Variants in ALK observed in about 807,000 individuals in gnomAD.
ALK encodes ALK tyrosine kinase receptor.
Under a neutral mutation model 163.1 loss-of-function variants are expected in ALK, and 74 were observed. The ratio of observed to expected loss-of-function variants is 0.45; its 90% confidence interval spans 0.38 to 0.55. The LOEUF (loss-of-function observed/expected upper bound fraction) is 0.55, where lower values mean the gene tolerates loss of function less well. Ranked by LOEUF, ALK falls within the 20% of genes least tolerant of loss-of-function variation. ALK has a pLI of 0.00. For synonymous variants in ALK, 960 were observed against 843.2 expected (o/e 1.14, Z -2.40); for missense variants, 2,063 against 2,105.3 (o/e 0.98, Z 0.39).
intron 5 of ALK, among the ~76,000 whole-genome samples, chr2:29,354,135 T>C (rs1245165740): frequency 6.6e-6 from 1 of 152,190 alleles, no homozygotes; most frequent in East Asian, 1.9e-4. Context: ...TTCATTTCTT[T>C]GTCTTTAAGG....
At chr2:29,505,288 G>A (rs892674019) in intron 4 of ALK, among the ~76,000 whole-genome samples, 5 of 152,148 alleles carry the variant, frequency 3.3e-5, no homozygotes, top group Non-Finnish European at 7.3e-5. Context: ...GAGGGGAAGG[G>A]GGTCCAGGGA....
rs192982612 is a variant in ALK, at chr2:29,913,181, C to T, written c.667+6812G>A. ...AACCAAGGGATTGGGTGTATCTTCC[C>T]CAAGGGAGATCTTCTCTGCCCACTT... On this transcript the variant is annotated intron_variant, in intron 1 of 28. Coordinates refer to ENST00000389048, the MANE Select transcript of ALK (RefSeq NM_004304.5). Among the ~76,000 whole-genome samples, 309 of 152,184 alleles carry T rather than the reference C, an allele frequency of 2.0e-3. 2 individuals carry two copies. The highest frequency in any genetic ancestry group is 7.1e-3 in the African/African-American group (296 of 41,520).
intron 4 of ALK, among the ~76,000 whole-genome samples, chr2:29,395,470 G>T (rs1669280405): frequency 6.6e-6 from 1 of 152,306 alleles, no homozygotes; most frequent in African/African-American, 2.4e-5. Context: ...GGGTGGTCAT[G>T]GTTGGAACTC....
intron 1 of ALK, among the ~76,000 whole-genome samples, chr2:29,779,460 T>C (rs7606108): frequency 0.18 from 27,737 of 152,120 alleles, 2,785 homozygotes; most frequent in East Asian, 0.39. Flanking sequence ...TTTAGAAAAG[T>C]AGCTTCATTT....
At chr2:29,910,642 T>C (rs1572493500) in intron 1 of ALK, among the ~76,000 whole-genome samples, 1 of 152,320 alleles carries the variant, frequency 6.6e-6, no homozygotes, top group East Asian at 1.9e-4. Context: ...AGAGCATCTC[T>C]GACTCAGGAA....
In ALK at chr2:29,422,847, A is replaced by T. The variant is rs1363028964; in HGVS notation, c.1155-38988T>A. ...TTTCATCTTAAAAGCTTTTTCAGGA[A>T]CTGCTTGAGGAACAGTGCCTGAGTC... On this transcript the variant is annotated intron_variant, in intron 4 of 28. Coordinates refer to ENST00000389048, the MANE Select transcript of ALK (RefSeq NM_004304.5). Among the ~76,000 whole-genome samples the T allele has an allele frequency of 4.0e-5, 6 of 151,802 alleles. 1 individual carries two copies. The highest frequency in any genetic ancestry group is 3.3e-4 in the Admixed American group (5 of 15,252).
At chr2:29,592,447 G>A (rs1000440156) in intron 3 of ALK, among the ~76,000 whole-genome samples, 1 of 152,088 alleles carries the variant, frequency 6.6e-6, no homozygotes, top group Non-Finnish European at 1.5e-5. Context: ...TATCCCTCTC[G>A]CCTGAGCTCT....
At chr2:29,201,733 G>A (rs1669183977) in intron 26 of ALK, among the ~76,000 whole-genome samples, 1 of 151,170 alleles carries the variant, frequency 6.6e-6, no homozygotes. Context: ...GTTGCAGTGA[G>A]CTGAGATGGC....
chr2:29,324,074 G>A (rs1667168511), intron 6 of ALK, among the ~76,000 whole-genome samples: 1 of 152,204 alleles, frequency 6.6e-6, no homozygotes, highest in Non-Finnish European at 1.5e-5. Flanking sequence ...TAAATCTGGA[G>A]AAGCACTGTT....
chr2:29,912,363 C>G (rs552776342), intron 1 of ALK, among the ~76,000 whole-genome samples: 2 of 151,944 alleles, frequency 1.3e-5, no homozygotes, highest in Non-Finnish European at 2.9e-5. Context: ...CAAAAAGGAA[C>G]AACAATGTAA....
At chr2:29,758,495 C>T (rs940566105) in intron 1 of ALK, among the ~76,000 whole-genome samples, 1 of 152,160 alleles carries the variant, frequency 6.6e-6, no homozygotes, top group African/African-American at 2.4e-5. Context: ...TCCAGGGTTT[C>T]ACTGCCCATG....
intron 3 of ALK, among the ~76,000 whole-genome samples, chr2:29,595,588 G>A (rs1186843782): frequency 6.6e-6 from 1 of 152,172 alleles, no homozygotes; most frequent in Non-Finnish European, 1.5e-5. Flanking sequence ...CCAAAGTGCT[G>A]AAATTACAGG....
intron 4 of ALK, among the ~76,000 whole-genome samples, chr2:29,398,123 G>T (rs540478295): frequency 8.5e-5 from 13 of 152,312 alleles, no homozygotes; most frequent in African/African-American, 3.1e-4. Context: ...AGGGGCACAT[G>T]CAGGAGCCAG....
chr2:29,884,518 T>C (rs1666942239), intron 1 of ALK, among the ~76,000 whole-genome samples: 1 of 152,192 alleles, frequency 6.6e-6, no homozygotes, highest in Non-Finnish European at 1.5e-5. Flanking sequence ...ATAAAAACCT[T>C]GCACTTTGGG....
chr2:29,895,267 T>G (rs111950028), intron 1 of ALK, among the ~76,000 whole-genome samples: 1,634 of 152,302 alleles, frequency 0.011, 30 homozygotes, highest in African/African-American at 0.036. Context: ...CACTCTGCAC[T>G]GTGGAGGGGT....
chr2:29,253,313 G>A (rs1664870817), intron 11 of ALK, among the ~76,000 whole-genome samples: 1 of 152,164 alleles, frequency 6.6e-6, no homozygotes, highest in Admixed American at 6.5e-5. Flanking sequence ...GGGTGATGTG[G>A]AAAGAACACA....
intron 1 of ALK, among the ~76,000 whole-genome samples, chr2:29,863,151 T>C (rs1025968586): frequency 2.0e-5 from 3 of 152,192 alleles, no homozygotes; most frequent in Non-Finnish European, 4.4e-5. Flanking sequence ...GACCTGAAAC[T>C]GTAAAACCAC....
chr2:29,196,090 C>T (rs1328765496), intron 28 of ALK, among the ~76,000 whole-genome samples: 1 of 151,930 alleles, frequency 6.6e-6, no homozygotes, highest in Admixed American at 6.5e-5. Context: ...AATTTCGAGT[C>T]GTTATTGAAG....
At chr2:29,343,130 C>T (rs557709325) in intron 5 of ALK, among the ~76,000 whole-genome samples, 1 of 151,520 alleles carries the variant, frequency 6.6e-6, no homozygotes, top group East Asian at 1.9e-4. Flanking sequence ...TCGTGATCCA[C>T]CCACCTTGGC....
Sources: allele counts gnomAD v4.1 joint callset (sites outside exome capture counted in the v4.1 genomes callset), GRCh38; gene constraint gnomAD v4.1.1; transcripts MANE v1.5; gene names NCBI Gene and HGNC (gene_info 2026-07-23, HGNC 2026-07-21).